The following NEMP2 variants were observed in gnomAD, a reference collection of about 807,000 sequenced individuals.
The protein encoded by NEMP2 is nuclear envelope integral membrane protein 2, also known as UPF0571 transmembrane protein.
A neutral mutation model predicts 54.2 loss-of-function variants in NEMP2; 53 were observed. The ratio of observed to expected loss-of-function variants is 0.98; its 90% confidence interval spans 0.78 to 1.23. The LOEUF is 1.23. NEMP2 is among the 50% of genes most tolerant of loss of function. NEMP2 has a pLI of 0.00. For missense variants in NEMP2, 455 were observed against 511.3 expected (o/e 0.89, Z 1.06); for synonymous variants, 197 against 190.3 (o/e 1.04, Z -0.29).
At chr2:190,511,541 A>T (rs1263234788) in intron 7 of NEMP2, among the ~76,000 whole-genome samples, 1 of 150,068 alleles carries the variant, frequency 6.7e-6, no homozygotes, top group Non-Finnish European at 1.5e-5. Flanking sequence ...TTTATTTTTT[A>T]AATTAAATTT....
chr2:190,525,430 C>A lies in NEMP2; in HGVS notation c.98-52G>T. 2 of 1,133,522 alleles carry A rather than the reference C, an allele frequency of 1.8e-6. No homozygotes were observed. The highest frequency in any genetic ancestry group is 2.5e-6 in the Non-Finnish European group (2 of 797,148). The allele number at this position is 1,133,522 out of a possible 1,614,324, so 70.2% of individuals were successfully genotyped here. A position where few individuals can be genotyped will look rare whatever the true frequency, so the allele number is the denominator to read the frequency against. ...TTCTAACTGTTTAATTGCCCAGAAT[C>A]TTTTTTAAAAAAAGTTTGCAGGGAG... On this transcript the variant is annotated intron_variant, in intron 1 of 8. Coordinates refer to ENST00000409150, the MANE Select transcript of NEMP2 (RefSeq NM_001142645.2). This position sits in a 1 kb window ranked among gnomAD's most constrained non-coding sequence, Gnocchi z 5.0.
chr2:190,489,653 T>C, the NEMP2 span: 3 of 952,984 alleles, frequency 3.1e-6, no homozygotes, highest in Non-Finnish European at 4.7e-6. The surrounding 1 kb of genome is among the most constrained non-coding windows in gnomAD (Gnocchi z 6.6). Context: ...TACTTTTCTC[T>C]GGTTTGTCTC....
chr2:190,424,193 TAAAA>T, the NEMP2 span, among the ~76,000 whole-genome samples: 5 of 151,956 alleles, frequency 3.3e-5, no homozygotes, highest in Non-Finnish European at 7.4e-5. This position sits in a 1 kb window ranked among gnomAD's most constrained non-coding sequence, Gnocchi z 5.9. Context: ...GTGTCAAGTC[TAAAA>T]ACTCTGCCTA....
the NEMP2 span, among the ~76,000 whole-genome samples, chr2:190,483,226 A>G: frequency 6.6e-6 from 1 of 152,062 alleles, no homozygotes; most frequent in Non-Finnish European, 1.5e-5. Flanking sequence ...CTTGTGGGGT[A>G]TGTTTGATAT....
chr2:190,439,702 T>C, the NEMP2 span, among the ~76,000 whole-genome samples: 3 of 152,230 alleles, frequency 2.0e-5, no homozygotes, highest in South Asian at 2.1e-4. The surrounding 1 kb of genome is among the most constrained non-coding windows in gnomAD (Gnocchi z 5.8). Flanking sequence ...TGTTTAATAA[T>C]GTGATGGAAG....
chr2:190,554,621 G>A, the NEMP2 span, among the ~76,000 whole-genome samples: 1 of 152,208 alleles, frequency 6.6e-6, no homozygotes, highest in East Asian at 1.9e-4. This position sits in a 1 kb window ranked among gnomAD's most constrained non-coding sequence, Gnocchi z 5.7. Context: ...CTCCTCTCTG[G>A]GCAGGGCATC....
chr2:190,498,609 TA>T, the NEMP2 span, among the ~76,000 whole-genome samples: 80 of 152,340 alleles, frequency 5.3e-4, no homozygotes, highest in Admixed American at 2.2e-3. The surrounding 1 kb of genome is among the most constrained non-coding windows in gnomAD (Gnocchi z 5.9). Context: ...TCCTATTTAT[TA>T]ATTTATCAAG....
At chr2:190,534,905 C>CCGGCCTCGGCCT (rs545546758), upstream of NEMP2, 5 of 350,010 alleles carry the variant, frequency 1.4e-5, no homozygotes, top group South Asian at 1.5e-4. Context: ...TGGCATGCTC[C>CCGGCCTCGGCCT]CGGCCTCGGC....
At chr2:190,459,755 G>T in the NEMP2 span, among the ~76,000 whole-genome samples, 2 of 152,244 alleles carry the variant, frequency 1.3e-5, no homozygotes, top group Non-Finnish European at 2.9e-5. The surrounding 1 kb of genome is among the most constrained non-coding windows in gnomAD (Gnocchi z 5.3). Context: ...AGTCATTTTA[G>T]AGGGAAGAAT....
At chr2:190,546,527 C>T in the NEMP2 span, among the ~76,000 whole-genome samples, 35,046 of 151,956 alleles carry the variant, frequency 0.23, 4,998 homozygotes, top group South Asian at 0.33. The surrounding 1 kb of genome is among the most constrained non-coding windows in gnomAD (Gnocchi z 5.1). Context: ...TTGCTAATGT[C>T]GTTAATCATA....
chr2:190,486,021 TTC>T, the NEMP2 span, among the ~76,000 whole-genome samples: 1 of 152,242 alleles, frequency 6.6e-6, no homozygotes, highest in African/African-American at 2.4e-5. Context: ...TGCTGGCTAT[TTC>T]TGTCTTCCTA....
chr2:190,477,776 C>G, the NEMP2 span, among the ~76,000 whole-genome samples: 84 of 152,226 alleles, frequency 5.5e-4, no homozygotes, highest in African/African-American at 2.0e-3. Flanking sequence ...GAAAAATGTG[C>G]TAGGTAGCAG....
the NEMP2 span, among the ~76,000 whole-genome samples, chr2:190,497,134 G>C: frequency 6.6e-6 from 1 of 151,848 alleles, no homozygotes; most frequent in African/African-American, 2.4e-5. This position sits in a 1 kb window ranked among gnomAD's most constrained non-coding sequence, Gnocchi z 5.2. Context: ...CCTGTAAATG[G>C]GCCTAAGGCA....
chr2:190,608,000 A>C, the NEMP2 span: 1 of 152,210 alleles, frequency 6.6e-6, no homozygotes, highest in African/African-American at 2.4e-5. The surrounding 1 kb of genome is among the most constrained non-coding windows in gnomAD (Gnocchi z 5.2). Context: ...CAGTCCAAAA[A>C]TATTAAATAG....
chr2:190,643,991 G>A, the NEMP2 span, among the ~76,000 whole-genome samples: 1 of 152,246 alleles, frequency 6.6e-6, no homozygotes, highest in Middle Eastern at 3.4e-3. Flanking sequence ...AAGGGTCTTT[G>A]CTCAAGGAAA....
chr2:190,432,829 AAC>A, the NEMP2 span, among the ~76,000 whole-genome samples: 4 of 110,204 alleles, frequency 3.6e-5, no homozygotes, highest in Non-Finnish European at 6.0e-5. Context: ...CCCGCCCCCC[AAC>A]ACACACACAC....
chr2:190,554,343 A>G, the NEMP2 span, among the ~76,000 whole-genome samples: 1 of 152,112 alleles, frequency 6.6e-6, no homozygotes, highest in Non-Finnish European at 1.5e-5. The surrounding 1 kb of genome is among the most constrained non-coding windows in gnomAD (Gnocchi z 5.7). Context: ...GAAGCCAGGG[A>G]GCCAAGTGGT....
chr2:190,469,671 T>G, the NEMP2 span: 1 of 717,598 alleles, frequency 1.4e-6, no homozygotes, highest in Non-Finnish European at 2.0e-6. The surrounding 1 kb of genome is among the most constrained non-coding windows in gnomAD (Gnocchi z 5.3). Flanking sequence ...TTGCATGTTT[T>G]GTACACATAT....
upstream of NEMP2, among the ~76,000 whole-genome samples, chr2:190,538,869 T>A (rs1211155608): frequency 6.6e-6 from 1 of 152,244 alleles, no homozygotes; most frequent in Non-Finnish European, 1.5e-5. The surrounding 1 kb of genome is among the most constrained non-coding windows in gnomAD (Gnocchi z 4.1). Flanking sequence ...TTAATCTCGG[T>A]CAGACAAGTA....
Sources: allele counts gnomAD v4.1 joint callset (sites outside exome capture counted in the v4.1 genomes callset), GRCh38; gene constraint gnomAD v4.1.1; non-coding constraint Gnocchi (gnomAD v3.1); transcripts MANE v1.5; gene names NCBI Gene and HGNC (gene_info 2026-07-23, HGNC 2026-07-21).